Variants in CLEC12A observed in about 807,000 individuals in gnomAD.
The protein encoded by CLEC12A is C-type lectin protein CLL-1.
Under a neutral mutation model 26.5 loss-of-function variants are expected in CLEC12A, and 22 were observed. The ratio of observed to expected loss-of-function variants is 0.83; its 90% CI spans 0.59 to 1.19. The LOEUF is 1.19. CLEC12A is among the 50% of genes most tolerant of loss of function. CLEC12A has a pLI of 0.00. For synonymous variants in CLEC12A, 119 were observed against 101.9 expected, an observed-to-expected ratio of 1.17 and a Z score of -1.01; for missense variants, 353 against 315.6, an observed-to-expected ratio of 1.12 and a Z score of -0.90.
upstream of CLEC12A, among the ~76,000 whole-genome samples, chr12:9,968,405 G>T (rs1864017370): frequency 6.6e-6 from 1 of 152,036 alleles, no homozygotes; most frequent in African/African-American, 2.4e-5. Context: ...TGTTTTATAA[G>T]ATTTGGGTAG....
intron 4 of CLEC12A, among the ~76,000 whole-genome samples, chr12:9,994,359 T>A (rs1390962737): frequency 6.6e-6 from 1 of 152,194 alleles, no homozygotes; most frequent in Non-Finnish European, 1.5e-5. Flanking sequence ...TTGCTTGTAG[T>A]TGTAGTATCC....
downstream of CLEC12A, chr12:9,998,193 T>C (rs1865097394): frequency 4.2e-6 from 4 of 963,832 alleles, no homozygotes; most frequent in East Asian, 2.4e-5. Context: ...AACAGACAAA[T>C]AGCGACCATT....
In CLEC12A at chr12:9,971,649, TG is replaced by T. The variant is rs751991188; in HGVS notation, c.55del (p.Glu19LysfsTer28). ...CTTCAATTCCAGAACTCCAGTGAGA[TG>T]GAAAAAATCCCAGAAATTGGCAAAT... ...ADLQFQNSSE[M>X]EKIPEIGKFG... On this transcript the variant is annotated frameshift_variant, in exon 1 of 6. Coordinates refer to ENST00000304361, the MANE Select transcript of CLEC12A (RefSeq NM_138337.6). LOFTEE classifies it high-confidence loss of function. 1 of 1,610,386 alleles carries T rather than the reference TG, an allele frequency of 6.2e-7. No homozygotes were observed. Among genetic ancestry groups the T allele is most frequent in the Non-Finnish European group, 8.5e-7 (1 of 1,178,190 alleles).
intron 4 of CLEC12A, chr12:9,991,230 G>C (rs2137224698): frequency 6.6e-6 from 1 of 152,242 alleles, no homozygotes; most frequent in Middle Eastern, 3.4e-3. Flanking sequence ...AGAAGATTTA[G>C]TATTTGAAAT....
chr12:9,982,192 G>T, intron 5 of CLEC12A, 63 bp downstream of exon 5: 1 of 826,142 alleles, frequency 1.2e-6, no homozygotes, highest in Non-Finnish European at 2.0e-6. Flanking sequence ...TTCCTTAGGA[G>T]CACTGTAGAT....
At chr12:9,986,032 G>C, downstream of CLEC12A, 1 of 356,338 alleles carries the variant, frequency 2.8e-6, no homozygotes. Context: ...TGGGCCTAGA[G>C]GGAAGGGGGC....
chr12:9,966,016 C>CAGATAATTTAGT, intron 1 of CLEC12A, among the ~76,000 whole-genome samples: 1 of 152,142 alleles, frequency 6.6e-6, no homozygotes, highest in Middle Eastern at 3.4e-3. Context: ...GTTAGGGAAG[C>CAGATAATTTAGT]AGATAATTTA....
At chr12:9,961,761 A>G (rs1044594872) in intron 1 of CLEC12A, among the ~76,000 whole-genome samples, 1 of 152,220 alleles carries the variant, frequency 6.6e-6, no homozygotes, top group Admixed American at 6.5e-5. Flanking sequence ...AGAATTAAAT[A>G]TCAAAACACC....
intron 1 of CLEC12A, among the ~76,000 whole-genome samples, chr12:9,961,250 A>T (rs1323546551): frequency 6.6e-6 from 1 of 152,242 alleles, no homozygotes; most frequent in African/African-American, 2.4e-5. Context: ...CCTGAGAGAT[A>T]TAATGAAGCG....
intron 1 of CLEC12A, among the ~76,000 whole-genome samples, chr12:9,977,385 GA>G (rs1186426302): frequency 6.6e-6 from 1 of 152,076 alleles, no homozygotes; most frequent in Non-Finnish European, 1.5e-5. Flanking sequence ...ATTCTGGCTA[GA>G]AAAGGCTGTA....
rs1864441499 is a variant in CLEC12A at position 9,978,893 on chromosome 12, G to A, written c.92-73G>A. 8.6e-6 allele frequency: 9 copies of A among 1,042,822 alleles called. 1 individual carries two copies. The South Asian group carries it at 1.2e-4, about 13-fold the overall frequency. 64.6% of individuals were successfully genotyped at this position (1,042,822 alleles called of 1,614,324 possible). A position where few individuals can be genotyped will look rare whatever the true frequency, so the allele number is the denominator to read the frequency against. On this transcript the variant is annotated intron_variant, in intron 1 of 5. Transcript: ENST00000304361. ...GGAAATAAAGGTAAAATGAATGAATGAATGAATGAGTAAATAATCCAAATG... is the reference window on the plus strand; with the variant it reads ...GGAAATAAAGGTAAAATGAATGAATAAATGAATGAGTAAATAATCCAAATG...
chr12:10,002,694 G>A, the CLEC12A span, among the ~76,000 whole-genome samples: 1 of 151,930 alleles, frequency 6.6e-6, no homozygotes, highest in Non-Finnish European at 1.5e-5. Context: ...CGCCCGCCTC[G>A]GCCTCCCCAA....
upstream of CLEC12A, among the ~76,000 whole-genome samples, chr12:9,967,709 G>T (rs529837684): frequency 2.0e-5 from 3 of 152,008 alleles, no homozygotes; most frequent in South Asian, 6.2e-4. Context: ...AGCGGAGAAG[G>T]GGTAGAGACA....
chr12:9,968,052 G>A (rs766071690), upstream of CLEC12A, among the ~76,000 whole-genome samples: 13 of 152,206 alleles, frequency 8.5e-5, no homozygotes, highest in Admixed American at 3.3e-4. Flanking sequence ...GTGATGCCAA[G>A]ATTGAAAGGA....
chr12:9,951,658 G>A (rs1231321615), intron 1 of CLEC12A: 1 of 413,976 alleles, frequency 2.4e-6, no homozygotes, highest in Non-Finnish European at 4.5e-6. Context: ...AACTGTTTCA[G>A]TTTGGACTCT....
chr12:9,997,778 C>T (rs1865088409), downstream of CLEC12A, among the ~76,000 whole-genome samples: 1 of 151,960 alleles, frequency 6.6e-6, no homozygotes, highest in South Asian at 2.1e-4. Context: ...CACAAACAAG[C>T]AACAACTACA....
intron 4 of CLEC12A, among the ~76,000 whole-genome samples, chr12:9,981,368 A>G (rs1245661858): frequency 6.6e-6 from 1 of 152,150 alleles, no homozygotes; most frequent in Non-Finnish European, 1.5e-5. Flanking sequence ...TTGGTCTCTC[A>G]CATAGCAATC....
intron 5 of CLEC12A, among the ~76,000 whole-genome samples, chr12:9,982,900 C>T (rs552771609): frequency 1.6e-4 from 24 of 152,170 alleles, no homozygotes; most frequent in African/African-American, 5.1e-4. Flanking sequence ...TTTAAATTTA[C>T]GTTCCTGAGT....
At chr12:9,994,998 C>A (rs182779803) in intron 4 of CLEC12A, 3 of 1,551,590 alleles carry the variant, frequency 1.9e-6, no homozygotes, top group African/African-American at 2.7e-5. Context: ...TTATGACCAG[C>A]GCTGTCTTGT....
Sources: allele counts gnomAD v4.1 joint callset (sites outside exome capture counted in the v4.1 genomes callset), GRCh38; gene constraint gnomAD v4.1.1; transcripts MANE v1.5; gene names NCBI Gene and HGNC (gene_info 2026-07-23, HGNC 2026-07-21).